CBFA2T2: variants seen among roughly 807,000 people sequenced by gnomAD.
CBFA2T2 encodes CBFA2/RUNX1 partner transcriptional co-repressor 2.
In CBFA2T2, 11 loss-of-function variants were observed where a neutral mutation model predicts 62.2. The observed-to-expected ratio is 0.18, with a 90% CI of 0.11 to 0.29. The LOEUF is 0.29. Among genes scored for constraint, CBFA2T2 ranks in the 10% least tolerant of loss-of-function variants. The pLI is 1.00. For missense variants in CBFA2T2, 592 were observed against 774.1 expected, an observed-to-expected ratio of 0.76 and a Z score of 2.79; for synonymous variants, 295 against 287.5, an observed-to-expected ratio of 1.03 and a Z score of -0.27.
At chr20:33,565,851 T>C (rs1349564858) in intron 1 of CBFA2T2, among the ~76,000 whole-genome samples, 2 of 152,108 alleles carry the variant, frequency 1.3e-5, no homozygotes, top group African/African-American at 4.8e-5. Flanking sequence ...GCCAATAAAC[T>C]GGAGATGAGG....
chr20:33,536,423 G>A (rs1203348304), intron 1 of CBFA2T2, among the ~76,000 whole-genome samples: 4 of 149,996 alleles, frequency 2.7e-5, no homozygotes, highest in African/African-American at 9.8e-5. Flanking sequence ...GGCCGGGCGG[G>A]GGGCTGACCC....
In CBFA2T2 at chr20:33,644,376, C is replaced by A; in HGVS notation, c.1518C>A (p.Ser506Arg). 1 of 1,612,468 alleles carries A rather than the reference C, an allele frequency of 6.2e-7. No individual in the cohort carries two copies. The highest frequency in any genetic ancestry group is 8.5e-7 in the Non-Finnish European group (1 of 1,178,680). Residue 506 changes from serine (S) to arginine (R), a missense_variant, in exon 11 of 11, where the codon AGC (serine) becomes AGA (arginine). By Grantham distance (110) the Ser-to-Arg change is moderately radical. Transcript: ENST00000342704. ...ENCWNCGRKASETCSGCNIAR... is the reference protein window; with the variant it reads ...ENCWNCGRKARETCSGCNIAR... ...GCTGGAACTGTGGCCGCAAAGCCAGCGAGACATGCAGTGGCTGCAATATCG... is the reference window on the plus strand; with the variant it reads ...GCTGGAACTGTGGCCGCAAAGCCAGAGAGACATGCAGTGGCTGCAATATCG...
intron 1 of CBFA2T2, among the ~76,000 whole-genome samples, chr20:33,575,713 A>G (rs1303389582): frequency 6.6e-6 from 1 of 152,166 alleles, no homozygotes; most frequent in East Asian, 1.9e-4. Context: ...GAACTCACAG[A>G]CAGACAGGCA....
intron 2 of CBFA2T2, among the ~76,000 whole-genome samples, chr20:33,610,426 A>G (rs2015481420): frequency 6.6e-6 from 1 of 152,226 alleles, no homozygotes; most frequent in Admixed American, 6.5e-5. Flanking sequence ...TTATAATTTG[A>G]GCAAAAATGT....
At chr20:33,569,621 T>TG (rs1408210681) in intron 1 of CBFA2T2, among the ~76,000 whole-genome samples, 1 of 152,238 alleles carries the variant, frequency 6.6e-6, no homozygotes, top group Non-Finnish European at 1.5e-5. Context: ...AAGGGTATTC[T>TG]GGTAGCCTTT....
intron 6 of CBFA2T2, among the ~76,000 whole-genome samples, chr20:33,625,872 G>C (rs532505345): frequency 6.6e-6 from 1 of 152,202 alleles, no homozygotes; most frequent in Non-Finnish European, 1.5e-5. Context: ...GGAGGCTGAG[G>C]TGGGTGGATC....
At position 33,629,924 on chromosome 20, in the gene CBFA2T2, G is replaced by A; in HGVS notation, c.1228+10G>A. 1 of 1,588,444 alleles carries A rather than the reference G, an allele frequency of 6.3e-7. No homozygotes were observed. The highest frequency in any genetic ancestry group is 8.5e-7 in the Non-Finnish European group (1 of 1,170,322). ...GATTCTCTCAGCAATGGTAAGGGGA[G>A]AGTCTACGGGAAACCCAAAATAAAT... On this transcript the variant is annotated intron_variant, in intron 8 of 10. Transcript: ENST00000342704.
intron 1 of CBFA2T2, among the ~76,000 whole-genome samples, chr20:33,557,512 A>T (rs553202132): frequency 6.8e-6 from 1 of 146,742 alleles, no homozygotes; most frequent in Admixed American, 6.8e-5. Context: ...TTCTATGTCT[A>T]TATATTTTTT....
intron 1 of CBFA2T2, among the ~76,000 whole-genome samples, chr20:33,507,801 C>T (rs927465277): frequency 6.6e-6 from 1 of 152,082 alleles, no homozygotes; most frequent in Non-Finnish European, 1.5e-5. Context: ...TTTCATAGAT[C>T]TGTAGAGTAA....
chr20:33,495,552 C>T (rs957480964), intron 1 of CBFA2T2, among the ~76,000 whole-genome samples: 3 of 151,498 alleles, frequency 2.0e-5, no homozygotes, highest in Admixed American at 6.6e-5. Context: ...ATCAGCTGGG[C>T]GTGGTGGCGG....
At chr20:33,605,926 C>T (rs2015324955) in intron 1 of CBFA2T2, among the ~76,000 whole-genome samples, 1 of 151,904 alleles carries the variant, frequency 6.6e-6, no homozygotes. Context: ...TCAAGCGATT[C>T]TCTTGCCTCA....
chr20:33,518,580 T>TGAA, intron 1 of CBFA2T2, among the ~76,000 whole-genome samples: 1 of 144,904 alleles, frequency 6.9e-6, no homozygotes, highest in Admixed American at 7.1e-5. Context: ...CTGATGAACA[T>TGAA]GAAGAAACTC....
At chr20:33,505,550 G>A (rs184677945) in intron 1 of CBFA2T2, among the ~76,000 whole-genome samples, 3 of 152,096 alleles carry the variant, frequency 2.0e-5, no homozygotes, top group East Asian at 1.9e-4. Context: ...TAGGGAGGCC[G>A]AGGCGGGTGA....
intron 9 of CBFA2T2, among the ~76,000 whole-genome samples, chr20:33,637,648 T>C (rs534317834): frequency 6.6e-6 from 1 of 152,210 alleles, no homozygotes; most frequent in Non-Finnish European, 1.5e-5. Context: ...CTGCAGATTC[T>C]TGGAATCATT....
intron 1 of CBFA2T2, among the ~76,000 whole-genome samples, chr20:33,545,343 C>T (rs2012523533): frequency 6.6e-6 from 1 of 152,158 alleles, no homozygotes; most frequent in African/African-American, 2.4e-5. Context: ...CACTTAACTA[C>T]AAAATTTCCT....
At chr20:33,641,670 A>G (rs909121443) in intron 10 of CBFA2T2, among the ~76,000 whole-genome samples, 1 of 151,804 alleles carries the variant, frequency 6.6e-6, no homozygotes, top group Non-Finnish European at 1.5e-5. Flanking sequence ...CGCAACCTCT[A>G]CCTCCGGGTT....
chr20:33,557,004 CTTTTTTTT>C (rs751836572), intron 1 of CBFA2T2, among the ~76,000 whole-genome samples: 23 of 46,212 alleles, frequency 5.0e-4, no homozygotes, highest in African/African-American at 7.5e-4. Flanking sequence ...GCATGCTTAT[CTTTTTTTT>C]TTTTTTTTTT....
chr20:33,490,336 G>A, intron 1 of CBFA2T2, 35 bp downstream of exon 1: 2 of 1,272,220 alleles, frequency 1.6e-6, no homozygotes, highest in Non-Finnish European at 2.0e-6. Context: ...GCCGAGGGGG[G>A]CGTGTGAGGG....
intron 1 of CBFA2T2, among the ~76,000 whole-genome samples, chr20:33,572,692 G>A (rs148264073): frequency 6.6e-6 from 1 of 152,324 alleles, no homozygotes; most frequent in African/African-American, 2.4e-5. Flanking sequence ...TGTAGTGGAC[G>A]AAGAGAAGAG....
Sources: gnomAD v4.1 joint callset for allele counts (sites outside exome capture counted in the v4.1 genomes callset) on GRCh38, gnomAD v4.1.1 for gene constraint, MANE v1.5 for transcripts, NCBI Gene and HGNC (gene_info 2026-07-23, HGNC 2026-07-21) for gene names.